Variants in CADM2 observed in about 807,000 individuals in gnomAD.
CADM2 encodes immunoglobulin superfamily member 4D.
Under a neutral mutation model 49.8 loss-of-function variants are expected in CADM2, and 12 were observed. The ratio of observed to expected loss-of-function variants is 0.24; its 90% CI spans 0.15 to 0.39. The LOEUF (loss-of-function observed/expected upper bound fraction) is 0.39, where lower values mean the gene tolerates loss of function less well. Among genes scored for constraint, CADM2 ranks in the 10% least tolerant of loss-of-function variants. The pLI, the probability that CADM2 is intolerant of heterozygous loss-of-function variation, is 1.00. For synonymous variants in CADM2, 214 were observed against 175.4 expected, an observed-to-expected ratio of 1.22 and a Z score of -1.74; for missense variants, 378 against 492.3, an observed-to-expected ratio of 0.77 and a Z score of 2.20.
intron 1 of CADM2, among the ~76,000 whole-genome samples, chr3:85,097,465 G>T (rs888614529): frequency 3.9e-5 from 6 of 152,054 alleles, no homozygotes; most frequent in African/African-American, 9.7e-5. Flanking sequence ...AACATATGTG[G>T]GCATGTGTCT....
intron 1 of CADM2, among the ~76,000 whole-genome samples, chr3:85,723,541 C>T (rs1458111407): frequency 1.3e-5 from 2 of 152,022 alleles, no homozygotes; most frequent in Non-Finnish European, 2.9e-5. Flanking sequence ...GATAGCCTGG[C>T]CTCTTTCCAA....
chr3:85,474,088 A>G (rs1362525512), intron 1 of CADM2, among the ~76,000 whole-genome samples: 1 of 151,902 alleles, frequency 6.6e-6, no homozygotes, highest in African/African-American at 2.4e-5. Flanking sequence ...TATTATAATT[A>G]TATTCTCAAT....
At chr3:85,039,617 T>C (rs1484836203) in intron 1 of CADM2, among the ~76,000 whole-genome samples, 2 of 152,216 alleles carry the variant, frequency 1.3e-5, no homozygotes, top group Non-Finnish European at 2.9e-5. Context: ...CCTCTTAATC[T>C]ATCTATATTT....
At chr3:85,696,039 C>T (rs916600447) in intron 1 of CADM2, among the ~76,000 whole-genome samples, 2 of 152,072 alleles carry the variant, frequency 1.3e-5, no homozygotes, top group Admixed American at 6.5e-5. Context: ...TAGCATTTTT[C>T]ATATGTTTAT....
intron 1 of CADM2, among the ~76,000 whole-genome samples, chr3:85,665,470 T>G (rs1326370048): frequency 6.6e-6 from 1 of 151,008 alleles, no homozygotes; most frequent in African/African-American, 2.5e-5. Flanking sequence ...TAACATATAT[T>G]TTTAGTAACA....
At chr3:85,105,332 A>G (rs1350457597) in intron 1 of CADM2, among the ~76,000 whole-genome samples, 1 of 152,218 alleles carries the variant, frequency 6.6e-6, no homozygotes, top group Non-Finnish European at 1.5e-5. Context: ...GAATCCAAAA[A>G]ACACATGAAA....
chr3:85,213,351 A>AT (rs77522733), intron 1 of CADM2, among the ~76,000 whole-genome samples: 26 of 150,034 alleles, frequency 1.7e-4, no homozygotes, highest in South Asian at 4.2e-4. Context: ...TTCTAGTATA[A>AT]TTTTTTTTTT....
chr3:85,863,556 T>G lies in CADM2; in HGVS notation c.239-19735T>G, dbSNP rs146754076. 1.3e-3 allele frequency among the ~76,000 whole-genome samples: 191 copies of G among 152,346 alleles called. 1 individual carries two copies. The highest frequency in any genetic ancestry group is 0.01 in the Middle Eastern group (3 of 294). On this transcript the variant is annotated intron_variant, in intron 3 of 9. Transcript: ENST00000383699. The stretch of plus-strand genomic sequence containing the variant: ...TTTCTCTCTGTCTCACACACTTGCT[T>G]GTCCTTCTGCTCTTCTGCCCCAGGA...
intron 1 of CADM2, among the ~76,000 whole-genome samples, chr3:84,986,724 G>A (rs1353358469): frequency 1.3e-5 from 2 of 151,318 alleles, no homozygotes; most frequent in Non-Finnish European, 2.9e-5. Flanking sequence ...TGCACATTGT[G>A]CACATGTACC....
At chr3:85,345,082 G>T (rs761293637) in intron 1 of CADM2, among the ~76,000 whole-genome samples, 2 of 151,926 alleles carry the variant, frequency 1.3e-5, no homozygotes, top group Non-Finnish European at 2.9e-5. Flanking sequence ...TTGGGAGGCC[G>T]AGGTGAGTGG....
intron 1 of CADM2, among the ~76,000 whole-genome samples, chr3:85,546,396 A>G (rs928124701): frequency 5.3e-5 from 8 of 152,292 alleles, no homozygotes; most frequent in Admixed American, 2.0e-4. Context: ...TAATCGTGCC[A>G]TCTCCCTCTC....
intron 1 of CADM2, among the ~76,000 whole-genome samples, chr3:85,167,014 T>A (rs2040488218): frequency 6.6e-6 from 1 of 152,106 alleles, no homozygotes; most frequent in Admixed American, 6.6e-5. Flanking sequence ...GCATATGCCT[T>A]AGTTCTTGTT....
At chr3:86,035,048 T>C (rs1559814793) in intron 8 of CADM2, among the ~76,000 whole-genome samples, 1 of 152,046 alleles carries the variant, frequency 6.6e-6, no homozygotes, top group South Asian at 2.1e-4. Context: ...AGAATAGTCT[T>C]TAGATTGCAA....
chr3:84,972,225 T>C (rs753295677), intron 1 of CADM2, among the ~76,000 whole-genome samples: 9 of 152,232 alleles, frequency 5.9e-5, no homozygotes, highest in South Asian at 2.1e-4. Flanking sequence ...TGATGTATTG[T>C]AGAAGGAACT....
At chr3:85,061,575 A>T (rs2107444946) in intron 1 of CADM2, among the ~76,000 whole-genome samples, 1 of 152,294 alleles carries the variant, frequency 6.6e-6, no homozygotes, top group Non-Finnish European at 1.5e-5. Flanking sequence ...GCATCCAGGT[A>T]GTAGTAACTG....
At chr3:85,095,117 A>G (rs191794305) in intron 1 of CADM2, among the ~76,000 whole-genome samples, 28 of 152,342 alleles carry the variant, frequency 1.8e-4, no homozygotes, top group South Asian at 6.2e-4. Flanking sequence ...TTTACAAATT[A>G]CAAGTGGTTT....
rs1189421743 is a variant in CADM2, at chr3:86,002,231, T to TA, written c.970+40585dup. ...CTGCATTTGCCTGGTGAGCTGTCTA[T>TA]ACCCTTCCAGATCTTGTACAGTGCA... On this transcript the variant is annotated intron_variant, in intron 8 of 9. Transcript: ENST00000383699. 2.0e-5 allele frequency among the ~76,000 whole-genome samples: 3 copies of TA among 152,298 alleles called. No individual in the cohort carries two copies. In the South Asian group the frequency reaches 6.2e-4, roughly 32 times the overall value.
chr3:85,488,681 A>G (rs1199614203), intron 1 of CADM2, among the ~76,000 whole-genome samples: 1 of 151,960 alleles, frequency 6.6e-6, no homozygotes, highest in East Asian at 1.9e-4. Flanking sequence ...AGAGGCACTC[A>G]CCACCACGCC....
At chr3:85,191,357 A>G in intron 1 of CADM2, among the ~76,000 whole-genome samples, 1 of 152,104 alleles carries the variant, frequency 6.6e-6, no homozygotes, top group East Asian at 1.9e-4. Flanking sequence ...ATGATATAGT[A>G]AATTAAATAT....
Sources: allele counts gnomAD v4.1 joint callset (sites outside exome capture counted in the v4.1 genomes callset), GRCh38; gene constraint gnomAD v4.1.1; transcripts MANE v1.5; gene names NCBI Gene and HGNC (gene_info 2026-07-23, HGNC 2026-07-21).